The following HEMK1 variants were observed in gnomAD, a reference collection of about 807,000 sequenced individuals.
HEMK1 encodes HemK methyltransferase 1, mitochondrial release factors N(5)-glutamine.
In HEMK1, 36 loss-of-function variants were observed where a neutral mutation model predicts 47.9. The observed-to-expected ratio is 0.75, with a 90% CI of 0.58 to 0.99. The LOEUF (loss-of-function observed/expected upper bound fraction) is 0.99, where lower values mean the gene tolerates loss of function less well. Ranked by LOEUF, HEMK1 falls within the 50% of genes least tolerant of loss-of-function variation. HEMK1 has a pLI of 0.00. For synonymous variants in HEMK1, 153 were observed against 165.4 expected (o/e 0.93, Z 0.57); for missense variants, 383 against 434.5 (o/e 0.88, Z 1.05).
At chr3:50,572,358 G>A in intron 4 of HEMK1, 150 bp downstream of exon 4, 1 of 794,344 alleles carries the variant, frequency 1.3e-6, no homozygotes, top group Non-Finnish European at 2.0e-6. Flanking sequence ...TGACTGTGTT[G>A]GCAGAGCCCA....
chr3:50,571,561 C>A (rs1215506066), intron 2 of HEMK1, 149 bp from the exon 3 acceptor site: 6 of 800,762 alleles, frequency 7.5e-6, no homozygotes, highest in East Asian at 2.4e-5. Context: ...AGCTGTGTAA[C>A]CTTAGGCAGG....
chr3:50,579,755 G>C (rs778946585), intron 8 of HEMK1, 89 bp from the exon 9 acceptor site: 4 of 919,044 alleles, frequency 4.4e-6, no homozygotes, highest in Non-Finnish European at 6.8e-6. Context: ...GTTCCACAGG[G>C]CCCCATTCAT....
Position 50,595,706 on chromosome 3 carries a change from CT to C in HEMK1, c.*15291del, listed in dbSNP as rs1699612440. 1 of 152,226 alleles carries C rather than the reference CT, an allele frequency of 6.6e-6. No individual in the cohort carries two copies. The highest frequency in any genetic ancestry group is 2.4e-5 in the African/African-American group (1 of 41,460). 9.4% of individuals were successfully genotyped at this position (152,226 alleles called of 1,614,324 possible). On this transcript the variant is annotated 3_prime_UTR_variant, in exon 11 of 11. Transcript: ENST00000232854. ...GTCTCTCAATACCTTACTGGTGCTT[CT>C]TGGCATTACTTCCCAAATAATCTAT...
Position 50,591,386 on chromosome 3 carries a change from C to G in HEMK1, c.*10969C>G, listed in dbSNP as rs1023354956. 1 of 152,334 alleles carries G rather than the reference C, an allele frequency of 6.6e-6. No individual in the cohort carries two copies. Among genetic ancestry groups the G allele is most frequent in the Non-Finnish European group, 1.5e-5 (1 of 68,142 alleles). The allele number at this position is 152,334 out of a possible 1,614,324, so 9.4% of individuals were successfully genotyped here. A position where few individuals can be genotyped will look rare whatever the true frequency, so the allele number is the denominator to read the frequency against. On this transcript the variant is annotated 3_prime_UTR_variant, in exon 11 of 11. Coordinates refer to ENST00000232854, the MANE Select transcript of HEMK1 (RefSeq NM_016173.5). ...CCCCTCATGAGTAGCTGGGTCCTTACGATTTTTCTGGTCAGCAGTGGGGAG... is the reference window on the plus strand; with the variant it reads ...CCCCTCATGAGTAGCTGGGTCCTTAGGATTTTTCTGGTCAGCAGTGGGGAG...
At position 50,582,374 on chromosome 3, in the gene HEMK1, G is replaced by A. The variant is rs900459199; in HGVS notation, c.*1957G>A. 1 of 152,194 alleles carries A rather than the reference G, an allele frequency of 6.6e-6. No homozygotes were observed. The highest frequency in any genetic ancestry group is 2.4e-5 in the African/African-American group (1 of 41,452). The allele number at this position is 152,194 out of a possible 1,614,324, so 9.4% of individuals were successfully genotyped here. ...CAAGCCAAGAGGACTGGCAGGCGGG[G>A]CCTCAAGCCTGCAGCCACTGGCTTG... On this transcript the variant is annotated 3_prime_UTR_variant, in exon 11 of 11. Transcript: ENST00000232854.
At position 50,581,957 on chromosome 3, in the gene HEMK1, C is replaced by G. The variant is rs2030867485; in HGVS notation, c.*1540C>G. The G allele has an allele frequency of 6.6e-6, 1 of 152,352 alleles. No individual in the cohort carries two copies. The highest frequency in any genetic ancestry group is 2.4e-5 in the African/African-American group (1 of 41,458). 9.4% of individuals were successfully genotyped at this position (152,352 alleles called of 1,614,324 possible). ...GGGGAGGGCGAAGGGGGTGCACAACCAGGGCAAGGCTCCCCACTTCCTTAG... is the reference window on the plus strand; with the variant it reads ...GGGGAGGGCGAAGGGGGTGCACAACGAGGGCAAGGCTCCCCACTTCCTTAG... On this transcript the variant is annotated 3_prime_UTR_variant, in exon 11 of 11. Coordinates refer to ENST00000232854, the MANE Select transcript of HEMK1 (RefSeq NM_016173.5).
chr3:50,574,927 A>T (rs1440671249), intron 4 of HEMK1, among the ~76,000 whole-genome samples: 4 of 152,192 alleles, frequency 2.6e-5, no homozygotes, highest in Non-Finnish European at 5.9e-5. Context: ...GGGTGGGTGA[A>T]CATTGTTGCT....
chr3:50,571,604 G>C, intron 2 of HEMK1, 106 bp from the exon 3 acceptor site: 2 of 1,052,336 alleles, frequency 1.9e-6, no homozygotes, highest in Non-Finnish European at 3.0e-6. Context: ...ATGATGAGAG[G>C]GTTGGGCCTC....
In HEMK1 at chr3:50,571,221, C is replaced by T; in HGVS notation, c.117C>T (p.Ser39=). ...CCCAACCACCTCTGGCTGGGTTATC[C>T]AGTGCCATAGAACTGGTCAGCCACT... The part of the protein sequence containing the change: ...WQPQPPLAGL[S]SAIELVSHWT... Residue 39 remains serine (S), a synonymous_variant, in exon 2 of 11, where the codon TCC becomes TCT. Transcript: ENST00000232854. The T allele has an allele frequency of 6.2e-7, 1 of 1,613,906 alleles. No individual in the cohort carries two copies. Among genetic ancestry groups the T allele is most frequent in the Non-Finnish European group, 8.5e-7 (1 of 1,179,924 alleles).
rs537393816 is a variant in HEMK1, at chr3:50,580,495, G to A, written c.*78G>A. 3.6e-6 allele frequency: 5 copies of A among 1,395,186 alleles called. No individual in the cohort carries two copies. The highest frequency in any genetic ancestry group is 2.8e-5 in the African/African-American group (2 of 70,318). 86.4% of individuals were successfully genotyped at this position (1,395,186 alleles called of 1,614,324 possible). On this transcript the variant is annotated 3_prime_UTR_variant, in exon 11 of 11. Coordinates refer to ENST00000232854, the MANE Select transcript of HEMK1 (RefSeq NM_016173.5). ...GGTGGATGGCACTTTCCAGAGCCCA[G>A]GTTCTTATGGCATTTCCCAGGGTTC...
rs137879645 is a variant in HEMK1 at position 50,577,120 on chromosome 3, C to T, written c.483C>T (p.Pro161=). 3.2e-4 allele frequency: 524 copies of T among 1,613,630 alleles called. No individual in the cohort carries two copies. The highest frequency in any genetic ancestry group is 4.1e-4 in the Non-Finnish European group (485 of 1,179,914). The stretch of plus-strand genomic sequence containing the variant: ...ATGCTGTGGGATCCCCAGGCAGCCC[C>T]CTCATTCTGGAGGTGGGCTGCGGAT... ...RSHAVGSPGS[P]LILEVGCGSG... is the part of the protein sequence containing the mutation. The change falls in exon 5 of 11, where the codon CCC becomes CCT. Residue 161 remains proline, a synonymous_variant. Coordinates refer to ENST00000232854, the MANE Select transcript of HEMK1 (RefSeq NM_016173.5).
Position 50,577,123 on chromosome 3 carries a change from C to T in HEMK1, c.486C>T (p.Leu162=). ...SHAVGSPGSP[L]ILEVGCGSGA... Reference sequence around the variant, plus strand: ...CTGTGGGATCCCCAGGCAGCCCCCTCATTCTGGAGGTGGGCTGCGGATCAG... The same window carrying T: ...CTGTGGGATCCCCAGGCAGCCCCCTTATTCTGGAGGTGGGCTGCGGATCAG... Residue 162 remains leucine (L), a synonymous_variant, in exon 5 of 11, where the codon CTC becomes CTT. Transcript: ENST00000232854. The T allele has an allele frequency of 6.2e-7, 1 of 1,613,686 alleles. No homozygotes were observed.
In HEMK1 at chr3:50,580,269, C is replaced by T. The variant is rs760832710; in HGVS notation, c.980+40C>T. ...CCCTTTAGCCCTGTAGCATGCTGGT[C>T]TTTCCACTGGGGCCATCCTCAGCCC... On this transcript the variant is annotated intron_variant, in intron 10 of 10. Coordinates refer to ENST00000232854, the MANE Select transcript of HEMK1 (RefSeq NM_016173.5). 2.5e-6 allele frequency: 4 copies of T among 1,605,692 alleles called. No homozygotes were observed. The South Asian group carries it at 3.3e-5, about 13-fold the overall frequency.
Position 50,580,613 on chromosome 3 carries a change from G to A in HEMK1, c.*196G>A. On this transcript the variant is annotated 3_prime_UTR_variant, in exon 11 of 11. Coordinates refer to ENST00000232854, the MANE Select transcript of HEMK1 (RefSeq NM_016173.5). Reference sequence around the variant, plus strand: ...GAGTGGCTGAGGGCAGTTGCTCTGTGTTGGTGAAATTGCTGTGGGGGTATC... The same window carrying A: ...GAGTGGCTGAGGGCAGTTGCTCTGTATTGGTGAAATTGCTGTGGGGGTATC... 1.6e-6 allele frequency: 1 copy of A among 615,836 alleles called. No individual in the cohort carries two copies. Among genetic ancestry groups the A allele is most frequent in the Non-Finnish European group, 2.9e-6 (1 of 349,990 alleles). 38.1% of individuals were successfully genotyped at this position (615,836 alleles called of 1,614,324 possible).
intron 5 of HEMK1, 132 bp from the exon 6 acceptor site, chr3:50,577,377 C>A: frequency 1.7e-6 from 2 of 1,181,842 alleles, no homozygotes; most frequent in Non-Finnish European, 2.5e-6. Context: ...TAGACTTTGG[C>A]CAAGAAGAAA....
rs144241904 is a variant in HEMK1 at position 50,571,755 on chromosome 3, C to A, written c.274C>A (p.Gln92Lys). The A allele has an allele frequency of 4.3e-6, 7 of 1,614,208 alleles. No individual in the cohort carries two copies. The highest frequency in any genetic ancestry group is 5.1e-6 in the Non-Finnish European group (6 of 1,180,040). ...ACTTTGGACCCAGCCCTTGACCTCT[C>A]AGCAACTACAGTGTATCCGGGAGCT... ...PALWTQPLTS[Q>K]QLQCIRELSS... The change falls in exon 3 of 11, where the codon CAG becomes AAG. Residue 92 changes from glutamine (Q) to lysine (K), a missense_variant. By Grantham distance (53) the Gln-to-Lys change is moderately conservative (BLOSUM62 1). Transcript: ENST00000232854.
rs1237326840 is a variant in HEMK1, at chr3:50,580,761, C to T, written c.*344C>T. On this transcript the variant is annotated 3_prime_UTR_variant, in exon 11 of 11. Coordinates refer to ENST00000232854, the MANE Select transcript of HEMK1 (RefSeq NM_016173.5). Reference sequence around the variant, plus strand: ...GCACTGGGGCAAGGGTTTCCTTCTGCCCCAGCAGGGCTGGCCGTCAGTCCC... The same window carrying T: ...GCACTGGGGCAAGGGTTTCCTTCTGTCCCAGCAGGGCTGGCCGTCAGTCCC... The T allele has an allele frequency of 2.7e-6, 1 of 364,722 alleles. No homozygotes were observed. Among genetic ancestry groups the T allele is most frequent in the Non-Finnish European group, 5.1e-6 (1 of 197,004 alleles). 22.6% of individuals were successfully genotyped at this position (364,722 alleles called of 1,614,324 possible). A position where few individuals can be genotyped will look rare whatever the true frequency, so the allele number is the denominator to read the frequency against.
In HEMK1 at chr3:50,591,185, G is replaced by A. The variant is rs1156522983; in HGVS notation, c.*10768G>A. The A allele has an allele frequency of 6.6e-6, 1 of 152,256 alleles. No individual in the cohort carries two copies. The highest frequency in any genetic ancestry group is 1.5e-5 in the Non-Finnish European group (1 of 68,070). 9.4% of individuals were successfully genotyped at this position (152,256 alleles called of 1,614,324 possible). A position where few individuals can be genotyped will look rare whatever the true frequency, so the allele number is the denominator to read the frequency against. On this transcript the variant is annotated 3_prime_UTR_variant, in exon 11 of 11. Transcript: ENST00000232854. ...AGACCACCTTCCCAAAGTTGGGGAA[G>A]GGGTAACTGAGGCTGTCATCTGGCC...
At chr3:50,571,397 C>T (rs1700940016) in intron 2 of HEMK1, 65 bp downstream of exon 2, 2 of 1,274,692 alleles carry the variant, frequency 1.6e-6, no homozygotes, top group Non-Finnish European at 2.2e-6. Flanking sequence ...AAGGGATATC[C>T]AGGTTTTCTG....
Sources: allele counts gnomAD v4.1 joint callset (sites outside exome capture counted in the v4.1 genomes callset), GRCh38; gene constraint gnomAD v4.1.1; transcripts MANE v1.5; gene names NCBI Gene and HGNC (gene_info 2026-07-23, HGNC 2026-07-21).